The following TBC1D5 variants were observed in gnomAD, a reference collection of about 807,000 sequenced individuals.
TBC1D5 encodes TBC1 domain family, member 5.
TBC1D5 carries 75 observed loss-of-function variants against 100.3 expected under a neutral mutation model. The ratio of observed to expected loss-of-function variants is 0.75; its 90% CI spans 0.62 to 0.91. The LOEUF (loss-of-function observed/expected upper bound fraction) is 0.91. TBC1D5 is among the 40% of genes least tolerant of loss of function. TBC1D5 has a pLI of 0.00. For synonymous variants in TBC1D5, 323 were observed against 325.6 expected (o/e 0.99, Z 0.09); for missense variants, 910 against 942.4 (o/e 0.97, Z 0.45).
chr3:17,410,431 T>C (rs546098385), intron 4 of TBC1D5, among the ~76,000 whole-genome samples: 1 of 152,174 alleles, frequency 6.6e-6, no homozygotes, highest in Admixed American at 6.6e-5. Context: ...GCCCATGAAG[T>C]GGGGAGTCAT....
intron 1 of TBC1D5, among the ~76,000 whole-genome samples, chr3:17,654,449 A>G (rs962302942): frequency 6.6e-6 from 1 of 152,164 alleles, no homozygotes; most frequent in Non-Finnish European, 1.5e-5. Flanking sequence ...AACTGTATAC[A>G]CCAATCATTT....
At chr3:17,192,089 T>C (rs1322756012) in intron 18 of TBC1D5, among the ~76,000 whole-genome samples, 2 of 152,160 alleles carry the variant, frequency 1.3e-5, no homozygotes, top group East Asian at 1.9e-4. Context: ...ATAGTTTATA[T>C]TGGTTTCTTT....
At chr3:17,516,583 T>C (rs1170195998) in intron 2 of TBC1D5, among the ~76,000 whole-genome samples, 2 of 152,206 alleles carry the variant, frequency 1.3e-5, no homozygotes, top group Non-Finnish European at 2.9e-5. Flanking sequence ...ATTATCCTTA[T>C]CATAAGTAGT....
intron 1 of TBC1D5, among the ~76,000 whole-genome samples, chr3:17,634,180 T>G (rs1398597218): frequency 2.0e-5 from 3 of 151,990 alleles, no homozygotes. Flanking sequence ...TCAAAAAAAC[T>G]AAAAATTGAG....
At chr3:17,701,721 G>A (rs1336952552) in intron 1 of TBC1D5, among the ~76,000 whole-genome samples, 2 of 152,082 alleles carry the variant, frequency 1.3e-5, no homozygotes, top group African/African-American at 2.4e-5. Flanking sequence ...AGTCACAGAT[G>A]GAAGGTCTGA....
chr3:17,178,066 CTTTT>C (rs34673889), intron 19 of TBC1D5, among the ~76,000 whole-genome samples: 1 of 130,082 alleles, frequency 7.7e-6, no homozygotes, highest in Non-Finnish European at 1.6e-5. Flanking sequence ...AATAGTGCTC[CTTTT>C]TTTTTTTTTT....
chr3:17,572,277 A>G (rs1341660523), intron 2 of TBC1D5, among the ~76,000 whole-genome samples: 2 of 149,886 alleles, frequency 1.3e-5, no homozygotes, highest in African/African-American at 4.9e-5. Context: ...TCAAATCCAC[A>G]CTTTTCATAT....
At chr3:17,345,450 G>A (rs1409056125) in intron 13 of TBC1D5, among the ~76,000 whole-genome samples, 2 of 152,022 alleles carry the variant, frequency 1.3e-5, no homozygotes, top group Non-Finnish European at 2.9e-5. Flanking sequence ...GGAGAAATAG[G>A]AACACTTTTA....
intron 1 of TBC1D5, among the ~76,000 whole-genome samples, chr3:17,677,407 A>T (rs2068784230): frequency 6.6e-6 from 1 of 152,248 alleles, no homozygotes; most frequent in Non-Finnish European, 1.5e-5. Context: ...AATGCTCATC[A>T]TCACTGGCCA....
chr3:17,461,043 A>T (rs1239325993), intron 3 of TBC1D5, among the ~76,000 whole-genome samples: 1 of 152,218 alleles, frequency 6.6e-6, no homozygotes, highest in East Asian at 1.9e-4. Flanking sequence ...ACAATATGCA[A>T]ATCAGGTAAC....
At chr3:17,653,204 G>A (rs1320651460) in intron 1 of TBC1D5, among the ~76,000 whole-genome samples, 1 of 152,096 alleles carries the variant, frequency 6.6e-6, no homozygotes, top group Non-Finnish European at 1.5e-5. Flanking sequence ...ACTTCCTTTT[G>A]AGGTGATGAA....
intron 1 of TBC1D5, among the ~76,000 whole-genome samples, chr3:17,674,988 C>T (rs975335045): frequency 6.6e-6 from 1 of 151,980 alleles, no homozygotes; most frequent in Non-Finnish European, 1.5e-5. Context: ...AAGCAAAATA[C>T]TAGTATACAG....
At position 17,301,070 on chromosome 3, in the gene TBC1D5, G is replaced by GA. The variant is rs1404389583; in HGVS notation, c.1138+6921dup. Among the ~76,000 whole-genome samples the GA allele has an allele frequency of 2.0e-3, 167 of 82,508 alleles. 1 individual carries two copies. The highest frequency in any genetic ancestry group is 7.4e-3 in the Middle Eastern group (1 of 136). 54.1% of individuals were successfully genotyped at this position (82,508 alleles called of 152,430 possible). ...GTAACAAGAGTAAAACTCCGTCTCA[G>GA]AAAAAAAAAAAAAAAGGAAAATCTA... is the stretch of plus-strand genomic sequence containing the variant. On this transcript the variant is annotated intron_variant, in intron 14 of 21. Transcript: ENST00000253692.
At chr3:17,379,152 T>C (rs568076316) in intron 9 of TBC1D5, among the ~76,000 whole-genome samples, 5 of 152,042 alleles carry the variant, frequency 3.3e-5, no homozygotes, top group East Asian at 1.9e-4. Context: ...TATGTCATTA[T>C]CATGTAGGTT....
At chr3:17,186,656 GC>G (rs1313918517) in intron 18 of TBC1D5, among the ~76,000 whole-genome samples, 9 of 120,686 alleles carry the variant, frequency 7.5e-5, no homozygotes, top group Non-Finnish European at 1.1e-4. Context: ...GTTGAAGTGA[GC>G]CGAGATCATG....
rs545428134 is a variant in TBC1D5, at chr3:17,385,693, T to C, written c.510-1678A>G. Among the ~76,000 whole-genome samples the C allele has an allele frequency of 3.1e-3, 443 of 144,290 alleles. 5 individuals are homozygous for C. The highest frequency in any genetic ancestry group is 2.8e-3 in the Non-Finnish European group (189 of 66,866). The allele number at this position is 144,290 out of a possible 152,430, so 94.7% of individuals were successfully genotyped here. A position where few individuals can be genotyped will look rare whatever the true frequency, so the allele number is the denominator to read the frequency against. On this transcript the variant is annotated intron_variant, in intron 8 of 21. Coordinates refer to ENST00000253692, the Ensembl canonical transcript of TBC1D5. ...CTGCCCAGACAGGTTTGGTTTTTTG[T>C]TTTTTTTTTCCTACCTTTTCTGTGG...
intron 1 of TBC1D5, among the ~76,000 whole-genome samples, chr3:17,698,707 A>T (rs2072591948): frequency 6.7e-6 from 1 of 150,226 alleles, no homozygotes; most frequent in South Asian, 2.2e-4. Context: ...GAAAAAAACA[A>T]ACAACCCCAT....
At chr3:17,272,212 T>C (rs1249794881) in intron 15 of TBC1D5, among the ~76,000 whole-genome samples, 2 of 152,248 alleles carry the variant, frequency 1.3e-5, no homozygotes, top group African/African-American at 4.8e-5. Flanking sequence ...TAATGATTAT[T>C]GATATCTAGA....
intron 3 of TBC1D5, among the ~76,000 whole-genome samples, chr3:17,450,374 A>G (rs1343791350): frequency 1.3e-5 from 2 of 152,214 alleles, no homozygotes; most frequent in Non-Finnish European, 2.9e-5. Context: ...AAAACTGGAC[A>G]GAGAATGAGT....
Sources: allele counts gnomAD v4.1 joint callset (sites outside exome capture counted in the v4.1 genomes callset), GRCh38; gene constraint gnomAD v4.1.1; transcripts MANE v1.5; gene names NCBI Gene and HGNC (gene_info 2026-07-23, HGNC 2026-07-21).